The following STAR variants were observed in gnomAD, a reference collection of about 807,000 sequenced individuals.
STAR encodes steroidogenic acute regulatory protein, mitochondrial.
In STAR, 32 loss-of-function variants were observed where a neutral mutation model predicts 32.3. The ratio of observed to expected loss-of-function variants is 0.99; its 90% CI spans 0.75 to 1.33. The LOEUF (loss-of-function observed/expected upper bound fraction) is 1.33. Ranked by LOEUF, STAR falls within the 40% of genes most tolerant of loss-of-function variation. The pLI, the probability that STAR is intolerant of heterozygous loss-of-function variation, is 0.00. For missense variants in STAR, 375 were observed against 379.0 expected (o/e 0.99, Z 0.09); for synonymous variants, 134 against 140.5 (o/e 0.95, Z 0.33).
At chr8:38,150,679 A>G in intron 1 of STAR, 76 bp downstream of exon 1, 1 of 1,597,988 alleles carries the variant, frequency 6.3e-7, no homozygotes, top group Non-Finnish European at 8.5e-7. Flanking sequence ...CACAACTAGG[A>G]TCAGAATTGG....
chr8:38,143,953 A>G lies in STAR; in HGVS notation c.*320T>C, dbSNP rs34071175. On this transcript the variant is annotated 3_prime_UTR_variant, in exon 7 of 7. Coordinates refer to ENST00000276449, the MANE Select transcript of STAR (RefSeq NM_000349.3). The stretch of plus-strand genomic sequence containing the variant: ...AGCATCCCCCACACCCATATCAGCC[A>G]CTAGCATTTTAAAGATGGTTTTAGG... 15 of 361,792 alleles carry G rather than the reference A, an allele frequency of 4.1e-5. No individual in the cohort carries two copies. In the Admixed American group the frequency reaches 5.6e-4, roughly 14 times the overall value. The allele number at this position is 361,792 out of a possible 1,614,324, so 22.4% of individuals were successfully genotyped here.
chr8:38,148,699 C>T lies in STAR; in HGVS notation c.120G>A (p.Leu40=), dbSNP rs138786388. The change falls in exon 2 of 7, where the codon CTG becomes CTA. Residue 40 remains leucine (L), a synonymous_variant. Coordinates refer to ENST00000276449, the MANE Select transcript of STAR (RefSeq NM_000349.3). Reference sequence around the variant, plus strand: ...TCCACGTGCTAGGGGTGGGGCCCCCCAGGGCCCTCCGGTTCAGCTCCTGGC... The same window carrying T: ...TCCACGTGCTAGGGGTGGGGCCCCCTAGGGCCCTCCGGTTCAGCTCCTGGC... ...AISQELNRRA[L]GGPTPSTWIN... The T allele has an allele frequency of 3.3e-3, 5,293 of 1,614,106 alleles. 12 individuals are homozygous for T. The highest frequency in any genetic ancestry group is 3.9e-3 in the Non-Finnish European group (4,660 of 1,180,030).
rs2130613789 is a variant in STAR at position 38,146,062 on chromosome 8, A to G, written c.551T>C (p.Phe184Ser). The stretch of plus-strand genomic sequence containing the variant: ...GCGCTTGGCACAGCGCACGCTCACA[A>G]AGTCACGGGGCCCCACCAGGTTTCC... ...AAGNLVGPRD[F>S]VSVRCAKRRG... Residue 184 changes from phenylalanine (F) to serine (S), a missense_variant, in exon 5 of 7, where the codon TTT becomes TCT. Coordinates refer to ENST00000276449, the MANE Select transcript of STAR (RefSeq NM_000349.3). 6.2e-7 allele frequency: 1 copy of G among 1,614,194 alleles called. No homozygotes were observed. The highest frequency in any genetic ancestry group is 8.5e-7 in the Non-Finnish European group (1 of 1,180,030).
rs1201997302 is a variant in STAR, at chr8:38,148,475, C to T, written c.179-148G>A. On this transcript the variant is annotated intron_variant, in intron 2 of 6. Transcript: ENST00000276449. ...GCCTGCTGGTCGAGTTAATCACAGC[C>T]GCCCCAGGTGACCAGAGAGGGATCT... The T allele has an allele frequency of 1.6e-5, 22 of 1,412,542 alleles. No homozygotes were observed. The East Asian group carries it at 2.2e-4, about 14-fold the overall frequency. 87.5% of individuals were successfully genotyped at this position (1,412,542 alleles called of 1,614,324 possible).
At chr8:38,144,866 ATG>A in intron 6 of STAR, 1 of 618,398 alleles carries the variant, frequency 1.6e-6, no homozygotes, top group Non-Finnish European at 2.4e-6. Flanking sequence ...AAAATTAGCC[ATG>A]TGTGGTGGCA....
intron 1 of STAR, 83 bp from the exon 2 acceptor site, chr8:38,148,837 T>A: frequency 1.7e-6 from 2 of 1,184,080 alleles, no homozygotes; most frequent in Non-Finnish European, 2.5e-6. Flanking sequence ...TTGTCTCAAA[T>A]GAGTAAGTTG....
chr8:38,150,106 G>A (rs947054536), intron 1 of STAR, among the ~76,000 whole-genome samples: 7 of 152,162 alleles, frequency 4.6e-5, no homozygotes, highest in Non-Finnish European at 7.3e-5. Flanking sequence ...AGTAAGCCAG[G>A]TGTGGCGGCT....
At position 38,146,299 on chromosome 8, in the gene STAR, T is replaced by C; in HGVS notation, c.455A>G (p.Lys152Arg). Residue 152 changes from lysine (K) to arginine (R), a missense_variant, in exon 4 of 7, where the codon AAG becomes AGG. Transcript: ENST00000276449. ...EAMGEWNPNVKEIKVLQKIGK... is the reference protein window; with the variant it reads ...EAMGEWNPNVREIKVLQKIGK... ...CTGGACTTTGCTCACCTTGATCTCCTTGACATTGGGGTTCCACTCCCCCAT... is the reference window on the plus strand; with the variant it reads ...CTGGACTTTGCTCACCTTGATCTCCCTGACATTGGGGTTCCACTCCCCCAT... 6.2e-7 allele frequency: 1 copy of C among 1,614,110 alleles called. No individual in the cohort carries two copies. Among genetic ancestry groups the C allele is most frequent in the Non-Finnish European group, 8.5e-7 (1 of 1,180,026 alleles).
In STAR at chr8:38,143,782, G is replaced by T. The variant is rs1216600704; in HGVS notation, c.*491C>A. 5.2e-6 allele frequency: 1 copy of T among 192,150 alleles called. No individual in the cohort carries two copies. The highest frequency in any genetic ancestry group is 1.1e-5 in the Non-Finnish European group (1 of 91,284). 11.9% of individuals were successfully genotyped at this position (192,150 alleles called of 1,614,324 possible). A position where few individuals can be genotyped will look rare whatever the true frequency, so the allele number is the denominator to read the frequency against. On this transcript the variant is annotated 3_prime_UTR_variant, in exon 7 of 7. Transcript: ENST00000276449. Reference sequence around the variant, plus strand: ...TTCTGGAAGGCACCCACTGTGGGGTGCTGCTTGTTCTGTGGTGTTGCTGTG... The same window carrying T: ...TTCTGGAAGGCACCCACTGTGGGGTTCTGCTTGTTCTGTGGTGTTGCTGTG...
In STAR at chr8:38,143,395, C is replaced by T. The variant is rs957234746; in HGVS notation, c.*878G>A. On this transcript the variant is annotated 3_prime_UTR_variant, in exon 7 of 7. Coordinates refer to ENST00000276449, the MANE Select transcript of STAR (RefSeq NM_000349.3). ...AATCTCGGCCCACTACAACCTCCGC[C>T]TCCGGGGTTCAAGTGATTCCCCTGC... Among the ~76,000 whole-genome samples, 2 of 151,414 alleles carry T rather than the reference C, an allele frequency of 1.3e-5. No homozygotes were observed. The highest frequency in any genetic ancestry group is 2.9e-5 in the Non-Finnish European group (2 of 67,992).
Position 38,145,266 on chromosome 8 carries a change from G to T in STAR, c.700C>A (p.Pro234Thr). 1 of 1,614,156 alleles carries T rather than the reference G, an allele frequency of 6.2e-7. No homozygotes were observed. Among genetic ancestry groups the T allele is most frequent in the East Asian group, 2.2e-5 (1 of 44,882 alleles). ...AGCCACGTAAGTTTGGTCTTAGAGG[G>T]ACTTCCAGCCAACGGGTGAAGCACC... ...CMVLHPLAGS[P>T]SKTKLTWLLS... Residue 234 changes from proline (P) to threonine (T), a missense_variant, in exon 6 of 7, where the codon CCC (proline) becomes ACC (threonine). By Grantham distance (38) the Pro-to-Thr change is conservative. Coordinates refer to ENST00000276449, the MANE Select transcript of STAR (RefSeq NM_000349.3).
chr8:38,144,922 T>C, intron 6 of STAR: 5 of 979,398 alleles, frequency 5.1e-6, no homozygotes, highest in Non-Finnish European at 6.8e-6. Context: ...GGCGGAAGAA[T>C]CACTTGAATC....
chr8:38,149,420 G>A (rs1268658934), intron 1 of STAR, among the ~76,000 whole-genome samples: 1 of 152,196 alleles, frequency 6.6e-6, no homozygotes, highest in Non-Finnish European at 1.5e-5. Context: ...TGATTCAAAT[G>A]ACCTTGGATG....
chr8:38,144,202 C>T lies in STAR; in HGVS notation c.*71G>A, dbSNP rs757414809. The stretch of plus-strand genomic sequence containing the variant: ...ATGGAGATCTTAGACTTGCAGGCTT[C>T]CAGTAGGGATTCTCCTGATGAGCGT... On this transcript the variant is annotated 3_prime_UTR_variant, in exon 7 of 7. Coordinates refer to ENST00000276449, the MANE Select transcript of STAR (RefSeq NM_000349.3). 3.4e-6 allele frequency: 5 copies of T among 1,467,250 alleles called. No individual in the cohort carries two copies. The highest frequency in any genetic ancestry group is 4.7e-6 in the Non-Finnish European group (5 of 1,075,118). The allele number at this position is 1,467,250 out of a possible 1,614,324, so 90.9% of individuals were successfully genotyped here.
intron 1 of STAR, 175 bp from the exon 2 acceptor site, chr8:38,148,929 T>C (rs1802624323): frequency 3.2e-6 from 2 of 623,408 alleles, no homozygotes; most frequent in Non-Finnish European, 5.8e-6. Context: ...TCAACTCCCA[T>C]GGCAGTGCTC....
chr8:38,146,061 A>G lies in STAR; in HGVS notation c.552T>C (p.Phe184=), dbSNP rs1172247814. The G allele has an allele frequency of 1.9e-6, 3 of 1,614,212 alleles. No individual in the cohort carries two copies. The Admixed American group carries it at 5.0e-5, about 27-fold the overall frequency. Residue 184 remains phenylalanine, a synonymous_variant, in exon 5 of 7, where the codon TTT becomes TTC. Coordinates refer to ENST00000276449, the MANE Select transcript of STAR (RefSeq NM_000349.3). The stretch of plus-strand genomic sequence containing the variant: ...GGCGCTTGGCACAGCGCACGCTCAC[A>G]AAGTCACGGGGCCCCACCAGGTTTC... ...AAGNLVGPRD[F]VSVRCAKRRG... is the part of the protein sequence containing the mutation.
chr8:38,147,880 G>A (rs1802601088), intron 3 of STAR, among the ~76,000 whole-genome samples: 1 of 152,204 alleles, frequency 6.6e-6, no homozygotes, highest in African/African-American at 2.4e-5. Context: ...GGCATCGTTG[G>A]GATATCTGAC....
intron 2 of STAR, 80 bp from the exon 3 acceptor site, chr8:38,148,407 T>C (rs2130617022): frequency 6.3e-7 from 1 of 1,593,418 alleles, no homozygotes; most frequent in East Asian, 2.3e-5. Flanking sequence ...GCTCTGGGTC[T>C]GCTCATTGCT....
Position 38,144,127 on chromosome 8 carries a change from T to C in STAR, c.*146A>G. The C allele has an allele frequency of 2.4e-6, 2 of 825,196 alleles. No individual in the cohort carries two copies. The highest frequency in any genetic ancestry group is 4.0e-6 in the Non-Finnish European group (2 of 502,890). 51.1% of individuals were successfully genotyped at this position (825,196 alleles called of 1,614,324 possible). On this transcript the variant is annotated 3_prime_UTR_variant, in exon 7 of 7. Coordinates refer to ENST00000276449, the MANE Select transcript of STAR (RefSeq NM_000349.3). Reference sequence around the variant, plus strand: ...TACTAAAAACTTTCACCAATCTGAATCCTAGTGTCATACTCTAAACACGAA... The same window carrying C: ...TACTAAAAACTTTCACCAATCTGAACCCTAGTGTCATACTCTAAACACGAA...
Sources: gnomAD v4.1 joint callset for allele counts (sites outside exome capture counted in the v4.1 genomes callset) on GRCh38, gnomAD v4.1.1 for gene constraint, MANE v1.5 for transcripts, NCBI Gene and HGNC (gene_info 2026-07-23, HGNC 2026-07-21) for gene names.